Variants in RAD51B observed in about 807,000 individuals in gnomAD.
RAD51B encodes the protein RAD51 paralog B.
Under a neutral mutation model 42.2 loss-of-function variants are expected in RAD51B, and 38 were observed. The observed-to-expected ratio is 0.90, with a 90% CI of 0.70 to 1.18. RAD51B has a LOEUF of 1.18. Among genes scored for constraint, RAD51B ranks in the 50% most tolerant of loss-of-function variants. The pLI, the probability that RAD51B is intolerant of heterozygous loss-of-function variation, is 0.00. For missense variants in RAD51B, 373 were observed against 400.7 expected (o/e 0.93, Z 0.59); for synonymous variants, 154 against 145.2 (o/e 1.06, Z -0.43).
At chr14:68,164,860 T>G (rs547453995) in intron 7 of RAD51B, among the ~76,000 whole-genome samples, 24 of 152,318 alleles carry the variant, frequency 1.6e-4, no homozygotes, top group Non-Finnish European at 3.2e-4. Flanking sequence ...AAGCCTAATT[T>G]TATTTTCAGT....
At chr14:68,214,776 C>G (rs1480605051) in intron 7 of RAD51B, among the ~76,000 whole-genome samples, 1 of 152,216 alleles carries the variant, frequency 6.6e-6, no homozygotes, top group Non-Finnish European at 1.5e-5. Context: ...CCACATGCAA[C>G]AAATACAGCT....
intron 7 of RAD51B, among the ~76,000 whole-genome samples, chr14:67,900,372 C>T (rs899136494): frequency 2.0e-5 from 3 of 152,054 alleles, no homozygotes; most frequent in Non-Finnish European, 4.4e-5. Context: ...GCACTTTAGA[C>T]CTCTCTTGGG....
At chr14:68,116,641 T>G (rs2077553768) in intron 7 of RAD51B, among the ~76,000 whole-genome samples, 1 of 152,252 alleles carries the variant, frequency 6.6e-6, no homozygotes, top group Middle Eastern at 3.2e-3. Flanking sequence ...TGTAAATTAC[T>G]ACATTTCTAT....
intron 7 of RAD51B, among the ~76,000 whole-genome samples, chr14:68,273,604 T>A (rs1433504101): frequency 6.6e-6 from 1 of 152,222 alleles, no homozygotes; most frequent in African/African-American, 2.4e-5. Context: ...ACAGTGCAGA[T>A]CTATCTGTCA....
chr14:68,590,116 G>A (rs895481058), intron 10 of RAD51B, among the ~76,000 whole-genome samples: 8 of 152,164 alleles, frequency 5.3e-5, no homozygotes, highest in African/African-American at 1.9e-4. Context: ...CAGCCGACTG[G>A]GGTGTCACCC....
At chr14:68,211,184 G>C (rs1654131644) in intron 7 of RAD51B, among the ~76,000 whole-genome samples, 2 of 152,116 alleles carry the variant, frequency 1.3e-5, no homozygotes. Flanking sequence ...ATCATTAAGT[G>C]GCCTAGCTCA....
chr14:68,013,535 A>T (rs2075723338), intron 7 of RAD51B, among the ~76,000 whole-genome samples: 1 of 152,222 alleles, frequency 6.6e-6, no homozygotes, highest in Non-Finnish European at 1.5e-5. Flanking sequence ...TGTAGCATTT[A>T]ATCTATATGC....
intron 8 of RAD51B, among the ~76,000 whole-genome samples, chr14:68,295,368 CAACACAAA>C (rs2081593064): frequency 1.1e-4 from 16 of 152,168 alleles, no homozygotes; most frequent in Non-Finnish European, 2.2e-4. Flanking sequence ...GGAGACCCAG[CAACACAAA>C]AACAAAGAAC....
chr14:68,182,809 C>G (rs2079080597), intron 7 of RAD51B, among the ~76,000 whole-genome samples: 1 of 152,296 alleles, frequency 6.6e-6, no homozygotes, highest in Admixed American at 6.5e-5. Flanking sequence ...CGCATAGACT[C>G]TCTGTGACTA....
intron 7 of RAD51B, among the ~76,000 whole-genome samples, chr14:67,984,131 G>T (rs2075143379): frequency 6.6e-6 from 1 of 152,034 alleles, no homozygotes; most frequent in Admixed American, 6.5e-5. Flanking sequence ...TAGAGACAGG[G>T]TTTCACCATC....
At chr14:68,386,238 G>T (rs939279936) in intron 8 of RAD51B, among the ~76,000 whole-genome samples, 1 of 152,102 alleles carries the variant, frequency 6.6e-6, no homozygotes, top group Non-Finnish European at 1.5e-5. Context: ...TCTGCTATGT[G>T]TCTCTCCCAG....
intron 10 of RAD51B, among the ~76,000 whole-genome samples, chr14:68,510,851 G>A (rs961556567): frequency 1.3e-5 from 2 of 152,152 alleles, no homozygotes; most frequent in African/African-American, 4.8e-5. Flanking sequence ...GGATAAAAAA[G>A]CCCCTGCATT....
chr14:68,058,659 C>G (rs759357047), intron 7 of RAD51B, among the ~76,000 whole-genome samples: 6 of 152,246 alleles, frequency 3.9e-5, no homozygotes, highest in African/African-American at 1.4e-4. Flanking sequence ...TTTAACCAAA[C>G]ATTATTGCTG....
At chr14:67,919,380 G>A (rs1243242965) in intron 7 of RAD51B, among the ~76,000 whole-genome samples, 2 of 152,164 alleles carry the variant, frequency 1.3e-5, no homozygotes, top group Non-Finnish European at 2.9e-5. Context: ...AGAGAAAAAT[G>A]TCTTGCTGTC....
chr14:68,435,492 G>GTTTTTTTTTTTTTTTTTTTTTTTTT (rs35536205), intron 9 of RAD51B, among the ~76,000 whole-genome samples: 2 of 128,150 alleles, frequency 1.6e-5, no homozygotes, highest in Non-Finnish European at 3.3e-5. Context: ...GTGGTTTTTG[G>GTTTTTTTTTTTTTTTTTTTTTTTTT]TTTTTTTTTT....
Position 68,442,435 on chromosome 14 carries a change from C to CTTTTTT in RAD51B, c.958-25717_958-25712dup, listed in dbSNP as rs774360651. ...TGCCTACTATGTAGTAGGCATTGTG[C>CTTTTTT]TTTTTTTTTTTTTTTTTTTTTTTTT... is the stretch of plus-strand genomic sequence containing the variant. On this transcript the variant is annotated intron_variant, in intron 9 of 10. Transcript: ENST00000471583. 4.5e-4 allele frequency among the ~76,000 whole-genome samples: 31 copies of CTTTTTT among 68,428 alleles called. 1 individual carries two copies. The highest frequency in any genetic ancestry group is 6.6e-4 in the Admixed American group (3 of 4,534). The allele number at this position is 68,428 out of a possible 152,430, so 44.9% of individuals were successfully genotyped here. A position where few individuals can be genotyped will look rare whatever the true frequency, so the allele number is the denominator to read the frequency against.
intron 7 of RAD51B, among the ~76,000 whole-genome samples, chr14:68,005,083 C>G (rs2075562429): frequency 9.9e-6 from 1 of 100,810 alleles, no homozygotes; most frequent in Admixed American, 1.6e-4. Context: ...GAGACAGTGT[C>G]TCTCTCTGTT....
chr14:68,105,751 T>C (rs1249310922), intron 7 of RAD51B, among the ~76,000 whole-genome samples: 2 of 151,948 alleles, frequency 1.3e-5, no homozygotes, highest in African/African-American at 4.8e-5. Flanking sequence ...GAAAAGTCTT[T>C]TAAATTCTCT....
chr14:68,676,163 C>T (rs759898427), intron 11 of RAD51B, among the ~76,000 whole-genome samples: 8 of 152,210 alleles, frequency 5.3e-5, no homozygotes, highest in African/African-American at 9.7e-5. Context: ...TCAACTCAAA[C>T]GCATGAGTTC....
Sources: gnomAD v4.1 joint callset for allele counts (sites outside exome capture counted in the v4.1 genomes callset) on GRCh38, gnomAD v4.1.1 for gene constraint, MANE v1.5 for transcripts, NCBI Gene and HGNC (gene_info 2026-07-23, HGNC 2026-07-21) for gene names.